Variants in WDR72 observed in about 807,000 individuals in gnomAD.
WDR72 encodes the protein WD repeat-containing protein 72.
WDR72 carries 120 observed loss-of-function variants against 124.2 expected under a neutral mutation model. That is an observed-to-expected ratio of 0.97 (90% CI 0.83 to 1.12). WDR72 has a LOEUF of 1.12. Among genes scored for constraint, WDR72 ranks in the 50% most tolerant of loss-of-function variants. The pLI, the probability that WDR72 is intolerant of heterozygous loss-of-function variation, is 0.00. For missense variants in WDR72, 1,387 were observed against 1,278.8 expected (o/e 1.08, Z -1.29); for synonymous variants, 452 against 441.7 (o/e 1.02, Z -0.29).
intron 14 of WDR72, among the ~76,000 whole-genome samples, chr15:53,650,983 G>A (rs1218237653): frequency 7.2e-6 from 1 of 138,630 alleles, no homozygotes; most frequent in Non-Finnish European, 1.5e-5. Context: ...GAGTAAAATC[G>A]TGAAAAGACT....
At chr15:53,548,407 G>C (rs746537396) in intron 18 of WDR72, among the ~76,000 whole-genome samples, 1 of 152,174 alleles carries the variant, frequency 6.6e-6, no homozygotes, top group African/African-American at 2.4e-5. Flanking sequence ...CATGCACTGG[G>C]ATTGGAATTC....
intron 14 of WDR72, among the ~76,000 whole-genome samples, chr15:53,619,264 T>TTG (rs3081256): frequency 0.29 from 43,008 of 147,214 alleles, 6,826 homozygotes; most frequent in Middle Eastern, 0.55. Flanking sequence ...TGCTTTATAA[T>TTG]TGTGTGTGTG....
chr15:53,514,455 G>A lies in WDR72; in HGVS notation c.*3244C>T, dbSNP rs1891327601. On this transcript the variant is annotated 3_prime_UTR_variant, in exon 20 of 20. Coordinates refer to ENST00000360509, the MANE Select transcript of WDR72 (RefSeq NM_182758.4). ...TATAATGTGCCCTCTAAGGATGGAA[G>A]AGAAATAGTATCTTTTCTAAAGTGT... 1 of 152,110 alleles carries A rather than the reference G, an allele frequency of 6.6e-6. No individual in the cohort carries two copies. Among genetic ancestry groups the A allele is most frequent in the Non-Finnish European group, 1.5e-5 (1 of 68,014 alleles). 9.4% of individuals were successfully genotyped at this position (152,110 alleles called of 1,614,324 possible). A position where few individuals can be genotyped will look rare whatever the true frequency, so the allele number is the denominator to read the frequency against.
chr15:53,599,537 A>G (rs560140788), intron 17 of WDR72, among the ~76,000 whole-genome samples: 7 of 152,290 alleles, frequency 4.6e-5, no homozygotes, highest in African/African-American at 1.7e-4. Flanking sequence ...AGAATAGTGC[A>G]TGGAAATTGC....
rs148102228 is a variant in WDR72 at position 53,673,940 on chromosome 15, G to A, written c.1766-8172C>T. ...CGGGAGGCGGAGGTTTCAGTGACCT[G>A]AGATCGCGCCATTGCACTCCAGCTT... is the stretch of plus-strand genomic sequence containing the variant. On this transcript the variant is annotated intron_variant, in intron 13 of 19. Coordinates refer to ENST00000360509, the MANE Select transcript of WDR72 (RefSeq NM_182758.4). 3.0e-3 allele frequency among the ~76,000 whole-genome samples: 459 copies of A among 152,114 alleles called. 1 individual carries two copies. Among genetic ancestry groups the A allele is most frequent in the Non-Finnish European group, 5.2e-3 (353 of 67,990 alleles).
At chr15:53,591,685 AACAC>A (rs67873847) in intron 18 of WDR72, among the ~76,000 whole-genome samples, 2,732 of 148,966 alleles carry the variant, frequency 0.018, 38 homozygotes, top group African/African-American at 0.029. Flanking sequence ...CAACACACAC[AACAC>A]ACACACACAC....
At chr15:53,570,468 C>A (rs534751458) in intron 18 of WDR72, among the ~76,000 whole-genome samples, 1 of 151,978 alleles carries the variant, frequency 6.6e-6, no homozygotes, top group South Asian at 2.1e-4. Flanking sequence ...ATACAGGTGG[C>A]CAATAAACAT....
chr15:53,718,724 T>TA (rs59997617), intron 3 of WDR72, among the ~76,000 whole-genome samples: 11,918 of 151,714 alleles, frequency 0.079, 1,617 homozygotes, highest in African/African-American at 0.28. Context: ...CATTCTGTTA[T>TA]AAAAAAATTA....
At chr15:53,653,145 A>AC (rs1336258195) in intron 14 of WDR72, among the ~76,000 whole-genome samples, 1 of 152,188 alleles carries the variant, frequency 6.6e-6, no homozygotes, top group Non-Finnish European at 1.5e-5. Flanking sequence ...CAATTCAAAA[A>AC]AGGAAGCATT....
At chr15:53,691,673 AGAT>A (rs1473373808) in intron 13 of WDR72, among the ~76,000 whole-genome samples, 13 of 138,776 alleles carry the variant, frequency 9.4e-5, no homozygotes, top group African/African-American at 3.4e-4. Flanking sequence ...ATAGATAGAT[AGAT>A]GTTTAACAAA....
chr15:53,643,310 A>G (rs1337592125), intron 14 of WDR72, among the ~76,000 whole-genome samples: 1 of 151,402 alleles, frequency 6.6e-6, no homozygotes, highest in Non-Finnish European at 1.5e-5. Flanking sequence ...AAATTAATTA[A>G]TTAGTCAGTT....
chr15:53,759,821 C>A (rs1405459514), upstream of WDR72, among the ~76,000 whole-genome samples: 1 of 151,560 alleles, frequency 6.6e-6, no homozygotes, highest in Non-Finnish European at 1.5e-5. Flanking sequence ...TCCCTTCCTG[C>A]AACCTGGACC....
chr15:53,695,756 G>C (rs1259891975), intron 13 of WDR72, among the ~76,000 whole-genome samples: 1 of 152,104 alleles, frequency 6.6e-6, no homozygotes, highest in Admixed American at 6.6e-5. Context: ...ATCACAGAAA[G>C]GAACACCCTT....
intron 1 of WDR72, among the ~76,000 whole-genome samples, chr15:53,749,486 C>A (rs988593164): frequency 1.3e-5 from 2 of 152,122 alleles, no homozygotes; most frequent in Admixed American, 1.3e-4. Context: ...TCCCTCTCCT[C>A]AGTCTTCTCT....
At chr15:53,675,160 T>C (rs1359246716) in intron 13 of WDR72, among the ~76,000 whole-genome samples, 1 of 152,040 alleles carries the variant, frequency 6.6e-6, no homozygotes, top group Admixed American at 6.6e-5. Context: ...CTGGCCAACA[T>C]GGTGAAACCC....
At chr15:53,713,516 T>C (rs2017614227) in intron 6 of WDR72, among the ~76,000 whole-genome samples, 1 of 151,458 alleles carries the variant, frequency 6.6e-6, no homozygotes, top group African/African-American at 2.4e-5. Flanking sequence ...AGTGGCAGGA[T>C]CTCGGCTCAC....
intron 3 of WDR72, among the ~76,000 whole-genome samples, chr15:53,719,233 T>G (rs2140568107): frequency 6.6e-6 from 1 of 152,302 alleles, no homozygotes; most frequent in Middle Eastern, 3.4e-3. Context: ...TCTATTACAT[T>G]TTTCAAACTC....
chr15:53,707,500 G>A (rs1021632724), intron 9 of WDR72, among the ~76,000 whole-genome samples: 3 of 151,772 alleles, frequency 2.0e-5, no homozygotes, highest in African/African-American at 4.8e-5. Flanking sequence ...AGGCTGGAGT[G>A]CAGGGGCATG....
At chr15:53,564,868 C>T (rs1894239749) in intron 18 of WDR72, among the ~76,000 whole-genome samples, 2 of 151,694 alleles carry the variant, frequency 1.3e-5, no homozygotes, top group Admixed American at 6.6e-5. Context: ...GAAAAACCAC[C>T]CAAAAATGAA....
Sources: allele counts gnomAD v4.1 joint callset (sites outside exome capture counted in the v4.1 genomes callset), GRCh38; gene constraint gnomAD v4.1.1; transcripts MANE v1.5; gene names NCBI Gene and HGNC (gene_info 2026-07-23, HGNC 2026-07-21).